The following WWOX variants were observed in gnomAD, a reference collection of about 807,000 sequenced individuals.
WWOX encodes the protein WW domain containing oxidoreductase.
A neutral mutation model predicts 46.2 loss-of-function variants in WWOX; 69 were observed. The ratio of observed to expected loss-of-function variants is 1.49; its 90% CI spans 1.23 to 1.82. The LOEUF (loss-of-function observed/expected upper bound fraction) is 1.82, where lower values mean the gene tolerates loss of function less well. Ranked by LOEUF, WWOX falls within the 40% of genes most tolerant of loss-of-function variation. WWOX has a pLI of 0.00. For synonymous variants in WWOX, 359 were observed against 202.6 expected (o/e 1.77, Z -6.56); for missense variants, 919 against 542.6 (o/e 1.69, Z -6.89).
intron 4 of WWOX, among the ~76,000 whole-genome samples, chr16:78,162,900 ATTC>A (rs2034842746): frequency 6.6e-6 from 1 of 152,086 alleles, no homozygotes; most frequent in Non-Finnish European, 1.5e-5. Flanking sequence ...TATATGCTGA[ATTC>A]TTCTTTACTC....
intron 8 of WWOX, among the ~76,000 whole-genome samples, chr16:78,871,036 T>G (rs1430670252): frequency 6.6e-6 from 1 of 152,222 alleles, no homozygotes; most frequent in East Asian, 1.9e-4. Context: ...GGAAATTAAT[T>G]TCTCGAGGTA....
intron 5 of WWOX, among the ~76,000 whole-genome samples, chr16:78,279,286 C>A (rs568857500): frequency 6.6e-6 from 1 of 152,082 alleles, no homozygotes; most frequent in East Asian, 1.9e-4. Context: ...AGGGGGACAC[C>A]TCCCTCTCAT....
intron 8 of WWOX, among the ~76,000 whole-genome samples, chr16:78,879,625 C>A (rs760942436): frequency 2.0e-5 from 3 of 152,156 alleles, no homozygotes; most frequent in Non-Finnish European, 4.4e-5. Flanking sequence ...CGCCTGTAAT[C>A]CCAGCGCTTT....
intron 8 of WWOX, among the ~76,000 whole-genome samples, chr16:78,734,247 TA>T (rs577024873): frequency 1.3e-3 from 196 of 152,188 alleles, no homozygotes; most frequent in African/African-American, 4.3e-3. Context: ...TGGTTTTTTT[TA>T]TAAGTGCAAG....
chr16:78,804,212 A>G (rs1186064364), intron 8 of WWOX, among the ~76,000 whole-genome samples: 1 of 152,016 alleles, frequency 6.6e-6, no homozygotes, highest in Non-Finnish European at 1.5e-5. Flanking sequence ...TCCCTCCTCT[A>G]TGCCTTCCCC....
At chr16:78,290,248 A>AGCGGACATGTCGATAT (rs1203850681) in intron 5 of WWOX, among the ~76,000 whole-genome samples, 3 of 151,676 alleles carry the variant, frequency 2.0e-5, no homozygotes, top group African/African-American at 7.3e-5. Context: ...GCACTCTGCG[A>AGCGGACATGTCGATAT]GCGGACATGT....
At chr16:79,087,364 C>G (rs2048872967) in intron 8 of WWOX, among the ~76,000 whole-genome samples, 1 of 152,164 alleles carries the variant, frequency 6.6e-6, no homozygotes, top group African/African-American at 2.4e-5. Flanking sequence ...GAGAAGAAAG[C>G]CAGTTACATA....
intron 8 of WWOX, among the ~76,000 whole-genome samples, chr16:78,434,054 G>A (rs1395684069): frequency 1.3e-5 from 2 of 152,154 alleles, no homozygotes; most frequent in South Asian, 2.1e-4. Context: ...CTCCCAAAGT[G>A]CTGGGATTAC....
chr16:78,713,855 C>G (rs2048501632), intron 8 of WWOX, among the ~76,000 whole-genome samples: 1 of 152,182 alleles, frequency 6.6e-6, no homozygotes. Context: ...AAACAGATAC[C>G]TCCGCCAGGG....
At chr16:78,598,985 G>C (rs1369014060) in intron 8 of WWOX, among the ~76,000 whole-genome samples, 1 of 152,186 alleles carries the variant, frequency 6.6e-6, no homozygotes, top group Non-Finnish European at 1.5e-5. Flanking sequence ...ACCAGTAAGT[G>C]GCAGGGTCGG....
chr16:78,528,123 C>CGAGTA (rs1567623902), intron 8 of WWOX, among the ~76,000 whole-genome samples: 2 of 143,318 alleles, frequency 1.4e-5, no homozygotes, highest in African/African-American at 5.2e-5. Context: ...CTCAGCCTCC[C>CGAGTA]GAGTAGCTGG....
chr16:79,103,278 T>C (rs150889155), intron 8 of WWOX, among the ~76,000 whole-genome samples: 1 of 152,246 alleles, frequency 6.6e-6, no homozygotes, highest in African/African-American at 2.4e-5. Context: ...TATTAATTTA[T>C]GTATTTAATT....
chr16:79,135,003 T>C (rs950279619), intron 8 of WWOX, among the ~76,000 whole-genome samples: 1 of 152,206 alleles, frequency 6.6e-6, no homozygotes, highest in Non-Finnish European at 1.5e-5. Context: ...GAAATTGAAA[T>C]GAGGGCTTAT....
intron 8 of WWOX, among the ~76,000 whole-genome samples, chr16:78,495,719 G>A (rs1471660635): frequency 6.6e-6 from 1 of 151,978 alleles, no homozygotes; most frequent in East Asian, 1.9e-4. Flanking sequence ...ATGTTGGCCA[G>A]GGTGGTCTCG....
rs1454295459 is a variant in WWOX, at chr16:78,261,799, T to TCTATCTATCTAG, written c.516+97510_516+97511insCTATCTATCTAG. 1.0e-3 allele frequency among the ~76,000 whole-genome samples: 73 copies of TCTATCTATCTAG among 71,664 alleles called. 2 individuals carry two copies. The highest frequency in any genetic ancestry group is 4.2e-3 in the African/African-American group (71 of 17,102). The allele number at this position is 71,664 out of a possible 152,430, so 47.0% of individuals were successfully genotyped here. A position where few individuals can be genotyped will look rare whatever the true frequency, so the allele number is the denominator to read the frequency against. On this transcript the variant is annotated intron_variant, in intron 5 of 8. Transcript: ENST00000566780. Reference sequence around the variant, plus strand: ...ATCTATCTATCTATCTATATATATATATATATATATATATATATACTTATA... The same window carrying TCTATCTATCTAG: ...ATCTATCTATCTATCTATATATATATCTATCTATCTAGATATATATATATATATATACTTATA...
chr16:78,999,296 C>A (rs759618779), intron 8 of WWOX, among the ~76,000 whole-genome samples: 39 of 152,082 alleles, frequency 2.6e-4, no homozygotes, highest in Non-Finnish European at 5.0e-4. Flanking sequence ...CATGGAGAAA[C>A]CCCGTCTCTA....
chr16:78,466,342 G>T (rs1164921613), intron 8 of WWOX, among the ~76,000 whole-genome samples: 3 of 152,114 alleles, frequency 2.0e-5, no homozygotes, highest in Non-Finnish European at 4.4e-5. Context: ...TTGGGTACAA[G>T]TTTCCTTTGG....
chr16:78,708,003 A>C (rs1347997216), intron 8 of WWOX, among the ~76,000 whole-genome samples: 3 of 152,140 alleles, frequency 2.0e-5, no homozygotes, highest in Admixed American at 2.0e-4. Context: ...TCTGACCTGA[A>C]ATCCCATGGC....
At chr16:79,149,401 G>GT (rs1213307037) in intron 8 of WWOX, among the ~76,000 whole-genome samples, 1 of 152,102 alleles carries the variant, frequency 6.6e-6, no homozygotes, top group African/African-American at 2.4e-5. Flanking sequence ...TGGCATATAT[G>GT]TTTTTTTATA....
Sources: allele counts gnomAD v4.1 joint callset (sites outside exome capture counted in the v4.1 genomes callset), GRCh38; gene constraint gnomAD v4.1.1; transcripts MANE v1.5; gene names NCBI Gene and HGNC (gene_info 2026-07-23, HGNC 2026-07-21).